The following CDK20 variants were observed in gnomAD, a reference collection of about 807,000 sequenced individuals.
CDK20 encodes the protein cyclin-dependent kinase 20.
In CDK20, 40 loss-of-function variants were observed where a neutral mutation model predicts 38.6. That is an observed-to-expected ratio of 1.04 (90% CI 0.81 to 1.35). The LOEUF (loss-of-function observed/expected upper bound fraction) is 1.35. Ranked by LOEUF, CDK20 falls within the 40% of genes most tolerant of loss-of-function variation. The pLI is 0.00. For synonymous variants in CDK20, 209 were observed against 185.7 expected (o/e 1.13, Z -1.02); for missense variants, 512 against 452.6 (o/e 1.13, Z -1.19).
chr9:87,974,302 G>A, intron 1 of CDK20, 70 bp downstream of exon 1: 2 of 1,504,046 alleles, frequency 1.3e-6, no homozygotes, highest in South Asian at 1.1e-5. Context: ...AACCGAAACA[G>A]TTTAGAGCGT....
intron 3 of CDK20, 29 bp downstream of exon 3, chr9:87,971,118 C>T (rs777467642): frequency 8.1e-6 from 13 of 1,605,620 alleles, no homozygotes; most frequent in African/African-American, 1.3e-5. Context: ...GCTCCCCAGA[C>T]CCCATGCCCG....
chr9:87,970,938 C>T, intron 3 of CDK20, 41 bp from the exon 4 acceptor site: 1 of 1,611,972 alleles, frequency 6.2e-7, no homozygotes, highest in Non-Finnish European at 8.5e-7. Context: ...CCAAATCCCC[C>T]ATAGGACCTT....
chr9:87,973,156 A>C (rs1298970462), intron 2 of CDK20, among the ~76,000 whole-genome samples: 1 of 152,200 alleles, frequency 6.6e-6, no homozygotes, highest in Non-Finnish European at 1.5e-5. Context: ...CAACCCTGTT[A>C]ACTCTCCAGG....
In CDK20 at chr9:87,967,282, C is replaced by T; in HGVS notation, c.*180G>A. On this transcript the variant is annotated 3_prime_UTR_variant, in exon 8 of 8. Coordinates refer to ENST00000325303, the MANE Select transcript of CDK20 (RefSeq NM_001039803.3). Reference sequence around the variant, plus strand: ...CTGCTCGACTGGATGTTCTCATACTCTTGGCTGGGAACATGACCTCTGCCT... The same window carrying T: ...CTGCTCGACTGGATGTTCTCATACTTTTGGCTGGGAACATGACCTCTGCCT... 1 of 718,134 alleles carries T rather than the reference C, an allele frequency of 1.4e-6. No individual in the cohort carries two copies. Among genetic ancestry groups the T allele is most frequent in the Non-Finnish European group, 2.5e-6 (1 of 398,018 alleles). 44.5% of individuals were successfully genotyped at this position (718,134 alleles called of 1,614,324 possible). A position where few individuals can be genotyped will look rare whatever the true frequency, so the allele number is the denominator to read the frequency against.
At chr9:87,972,215 A>G (rs1829911960) in intron 2 of CDK20, among the ~76,000 whole-genome samples, 1 of 152,164 alleles carries the variant, frequency 6.6e-6, no homozygotes, top group African/African-American at 2.4e-5. Context: ...AAAAAAAGAA[A>G]AAAAATCAAC....
intron 7 of CDK20, 166 bp downstream of exon 7, chr9:87,969,027 GC>G: frequency 5.4e-6 from 4 of 744,524 alleles, no homozygotes; most frequent in Non-Finnish European, 8.6e-6. Flanking sequence ...AGGCACACCT[GC>G]TCCAAGGCCC....
At chr9:87,971,722 C>T (rs1053811404) in intron 2 of CDK20, among the ~76,000 whole-genome samples, 2 of 152,202 alleles carry the variant, frequency 1.3e-5, no homozygotes, top group African/African-American at 4.8e-5. Context: ...AGGAATCCCA[C>T]CTTTCCCAGT....
chr9:87,967,720 A>C, intron 7 of CDK20, 61 bp from the exon 8 acceptor site: 2 of 1,386,020 alleles, frequency 1.4e-6, no homozygotes, highest in Non-Finnish European at 1.9e-6. Flanking sequence ...CCCCAGCCTC[A>C]AGCAGATGTT....
intron 4 of CDK20, 45 bp from the exon 5 acceptor site, chr9:87,970,675 C>T (rs747075430): frequency 1.9e-6 from 3 of 1,613,094 alleles, no homozygotes; most frequent in Non-Finnish European, 2.5e-6. Flanking sequence ...GAAAAGGATG[C>T]CTGGGGAGGT....
chr9:87,971,463 G>C (rs147313890), intron 2 of CDK20, 128 bp from the exon 3 acceptor site: 2 of 782,948 alleles, frequency 2.6e-6, no homozygotes, highest in Non-Finnish European at 4.0e-6. Flanking sequence ...AGAAGGTGAC[G>C]TGGACCTGAG....
chr9:87,968,926 G>A (rs7862994), intron 7 of CDK20: 73 of 473,368 alleles, frequency 1.5e-4, no homozygotes, highest in African/African-American at 7.7e-4. Context: ...CTGCACTCCC[G>A]GACACGCGCT....
intron 7 of CDK20, 90 bp from the exon 8 acceptor site, chr9:87,967,749 G>T: frequency 8.6e-7 from 1 of 1,167,334 alleles, no homozygotes; most frequent in Non-Finnish European, 1.2e-6. Flanking sequence ...TATGCATTCA[G>T]CTGACTCAGT....
At chr9:87,973,803 G>T in intron 2 of CDK20, 119 bp downstream of exon 2, 1 of 1,049,984 alleles carries the variant, frequency 9.5e-7, no homozygotes, top group Non-Finnish European at 1.4e-6. Context: ...GTGTGTGTGA[G>T]TGACAGCGGG....
Position 87,969,850 on chromosome 9 carries a change from T to C in CDK20, c.633A>G (p.Glu211=), listed in dbSNP as rs1180255692. The change falls in exon 6 of 8, where the codon GAA becomes GAG. Residue 211 remains glutamate (E), a synonymous_variant. Coordinates refer to ENST00000325303, the MANE Select transcript of CDK20 (RefSeq NM_001039803.3). The part of the protein sequence containing the change: ...SPLFPGKNDI[E]QLCYVLRILG... Reference sequence around the variant, plus strand: ...AGATGCGAAGCACATAGCAAAGCTGTTCAATATCGTTCTTGCCCGGGAAAA... The same window carrying C: ...AGATGCGAAGCACATAGCAAAGCTGCTCAATATCGTTCTTGCCCGGGAAAA... 5 of 1,611,626 alleles carry C rather than the reference T, an allele frequency of 3.1e-6. No homozygotes were observed. The highest frequency in any genetic ancestry group is 4.2e-6 in the Non-Finnish European group (5 of 1,178,764).
At chr9:87,970,751 C>T in intron 4 of CDK20, 25 bp downstream of exon 4, 2 of 1,614,046 alleles carry the variant, frequency 1.2e-6, no homozygotes, top group African/African-American at 1.3e-5. Flanking sequence ...ATGGAGAAGA[C>T]TGGAAGGGAT....
intron 5 of CDK20, 49 bp downstream of exon 5, chr9:87,970,519 C>T (rs1829768944): frequency 6.4e-7 from 1 of 1,552,924 alleles, no homozygotes; most frequent in Non-Finnish European, 8.8e-7. Flanking sequence ...CAGAGCCTAG[C>T]AGAAATCCAT....
chr9:87,966,748 C>G lies in CDK20; in HGVS notation c.*714G>C, dbSNP rs1022260374. 1 of 311,724 alleles carries G rather than the reference C, an allele frequency of 3.2e-6. No homozygotes were observed. The highest frequency in any genetic ancestry group is 6.3e-6 in the Non-Finnish European group (1 of 158,590). 19.3% of individuals were successfully genotyped at this position (311,724 alleles called of 1,614,324 possible). ...AACCAGCCTCATGTGCAGAGGGTCT[C>G]CTGCTGGATCCCCAACTGGAGCCAT... On this transcript the variant is annotated 3_prime_UTR_variant, in exon 8 of 8. Transcript: ENST00000325303.
chr9:87,972,292 G>A (rs1012232052), intron 2 of CDK20, among the ~76,000 whole-genome samples: 7 of 152,188 alleles, frequency 4.6e-5, no homozygotes, highest in Admixed American at 2.0e-4. Flanking sequence ...TAGGTGGGGT[G>A]GGGCTAGATG....
At position 87,973,909 on chromosome 9, in the gene CDK20, C is replaced by T. The variant is rs773873715; in HGVS notation, c.189+13G>A. ...TGAGGGTGAGAATACCATGCCCCCCCTCCCCTACTCACATACTGATTGTCC... is the reference window on the plus strand; with the variant it reads ...TGAGGGTGAGAATACCATGCCCCCCTTCCCCTACTCACATACTGATTGTCC... On this transcript the variant is annotated intron_variant, in intron 2 of 7. Transcript: ENST00000325303. 9 of 1,611,208 alleles carry T rather than the reference C, an allele frequency of 5.6e-6. No homozygotes were observed. The highest frequency in any genetic ancestry group is 1.7e-5 in the Admixed American group (1 of 59,802).
Sources: allele counts gnomAD v4.1 joint callset (sites outside exome capture counted in the v4.1 genomes callset), GRCh38; gene constraint gnomAD v4.1.1; transcripts MANE v1.5; gene names NCBI Gene and HGNC (gene_info 2026-07-23, HGNC 2026-07-21).